VWF: variants seen among roughly 807,000 people sequenced by gnomAD.
VWF encodes the protein von Willebrand factor.
In VWF, 176 loss-of-function variants were observed where a neutral mutation model predicts 308.6. That is an observed-to-expected ratio of 0.57 (90% CI 0.50 to 0.65). The LOEUF (loss-of-function observed/expected upper bound fraction) is 0.65. Among genes scored for constraint, VWF ranks in the 30% least tolerant of loss-of-function variants. The pLI, the probability that VWF is intolerant of heterozygous loss-of-function variation, is 0.00. For synonymous variants in VWF, 1,385 were observed against 1,443.4 expected (o/e 0.96, Z 0.92); for missense variants, 3,146 against 3,648.2 (o/e 0.86, Z 3.55).
chr12:5,979,773 G>A (rs1943574519), intron 42 of VWF, among the ~76,000 whole-genome samples: 1 of 150,710 alleles, frequency 6.6e-6, no homozygotes, highest in Non-Finnish European at 1.5e-5. Context: ...CAGGCACGGT[G>A]GTTCATGCCA....
chr12:6,123,115 G>A, intron 2 of VWF, 27 bp downstream of exon 2: 4 of 1,614,130 alleles, frequency 2.5e-6, no homozygotes, highest in Non-Finnish European at 3.4e-6. Flanking sequence ...GGGCAGGAAT[G>A]AGAAATGGAG....
chr12:6,031,374 T>A (rs1944259607), intron 21 of VWF, 70 bp downstream of exon 21: 2 of 1,613,754 alleles, frequency 1.2e-6, no homozygotes, highest in East Asian at 4.5e-5. Flanking sequence ...AATGAATGCT[T>A]GGAAAATGTT....
chr12:6,090,451 AG>A (rs1306664989), intron 6 of VWF, among the ~76,000 whole-genome samples: 4 of 152,144 alleles, frequency 2.6e-5, no homozygotes, highest in African/African-American at 9.7e-5. Context: ...TATAGTTGCG[AG>A]GGGGAAGGAG....
At chr12:6,118,373 T>A (rs1364282192) in intron 3 of VWF, among the ~76,000 whole-genome samples, 1 of 135,586 alleles carries the variant, frequency 7.4e-6, no homozygotes, top group Non-Finnish European at 1.6e-5. Flanking sequence ...CTTCCTCTGG[T>A]CACTTTTTTT....
chr12:6,071,442 A>C (rs1271331130), intron 9 of VWF, 99 bp from the exon 10 acceptor site: 6 of 1,352,750 alleles, frequency 4.4e-6, no homozygotes, highest in Non-Finnish European at 6.3e-6. Context: ...TCCCCAAACG[A>C]AGGGATGTGG....
Position 5,949,796 on chromosome 12 carries a change from T to A in VWF, c.8243A>T (p.His2748Leu). The change falls in exon 51 of 52, where the codon CAC becomes CTC. Residue 2748 changes from histidine (H) to leucine (L), a missense_variant. By Grantham distance (99) the His-to-Leu change is moderately conservative. This residue lies in a region of VWF where 989 missense variants were observed against 1,117.4 expected (regional missense o/e 0.89). Transcript: ENST00000261405. ...AAGCAGAGCCCTTACCTGGCAGTAGTGGATATCCACCTCTACTTCAGACTT... is the reference window on the plus strand; with the variant it reads ...AAGCAGAGCCCTTACCTGGCAGTAGAGGATATCCACCTCTACTTCAGACTT... ...SCKSEVEVDIHYCQGKCASKA... is the reference protein window; with the variant it reads ...SCKSEVEVDILYCQGKCASKA... 6.2e-7 allele frequency: 1 copy of A among 1,614,168 alleles called. No homozygotes were observed. The highest frequency in any genetic ancestry group is 1.3e-5 in the African/African-American group (1 of 75,044).
intron 19 of VWF, 63 bp downstream of exon 19, chr12:6,036,325 G>A (rs1010489183): frequency 3.8e-5 from 57 of 1,483,976 alleles, no homozygotes; most frequent in Middle Eastern, 2.0e-4. Flanking sequence ...TCCTGTGGCC[G>A]CGTGCACCCT....
At chr12:6,034,962 G>A in intron 19 of VWF, 136 bp from the exon 20 acceptor site, 1 of 1,122,740 alleles carries the variant, frequency 8.9e-7, no homozygotes, top group Non-Finnish European at 1.3e-6. Context: ...GGAAGTTGAG[G>A]ACCTGTAGCG....
chr12:6,053,695 G>A (rs1944544999), intron 15 of VWF, among the ~76,000 whole-genome samples: 1 of 152,254 alleles, frequency 6.6e-6, no homozygotes, highest in African/African-American at 2.4e-5. Flanking sequence ...ATCTTGGGCA[G>A]TATCCTCACT....
intron 45 of VWF, 56 bp from the exon 46 acceptor site, chr12:5,968,223 G>C: frequency 9.3e-6 from 15 of 1,606,894 alleles, no homozygotes; most frequent in Non-Finnish European, 1.3e-5. Context: ...TGGTGAGACC[G>C]GCGAGCAGGC....
chr12:5,985,771 C>G lies in VWF; in HGVS notation c.6799-106G>C, dbSNP rs11063974. ...GCCTCCGGCAAGGGCCAGTCCCTGA[C>G]CCAGCCCTCTGACAGAGCCTCACAG... On this transcript the variant is annotated intron_variant, in intron 38 of 51. Coordinates refer to ENST00000261405, the MANE Select transcript of VWF (RefSeq NM_000552.5). 92,803 of 1,058,210 alleles carry G rather than the reference C, an allele frequency of 0.088. 4,835 individuals are homozygous for G. The highest frequency in any genetic ancestry group is 0.22 in the East Asian group (8,497 of 38,804). The allele number at this position is 1,058,210 out of a possible 1,614,324, so 65.6% of individuals were successfully genotyped here. A position where few individuals can be genotyped will look rare whatever the true frequency, so the allele number is the denominator to read the frequency against.
At chr12:6,010,616 C>T (rs1253302140) in intron 34 of VWF, among the ~76,000 whole-genome samples, 1 of 152,200 alleles carries the variant, frequency 6.6e-6, no homozygotes, top group Admixed American at 6.5e-5. Flanking sequence ...ACAGCCTAAA[C>T]GCACATCCAT....
At chr12:6,055,909 G>A (rs1384038958) in intron 15 of VWF, among the ~76,000 whole-genome samples, 1 of 151,252 alleles carries the variant, frequency 6.6e-6, no homozygotes, top group East Asian at 1.9e-4. Flanking sequence ...CAAGTAGCTG[G>A]GACTACACCT....
rs552845770 is a variant in VWF, at chr12:6,040,694, G to A, written c.2442+3597C>T. On this transcript the variant is annotated intron_variant, in intron 18 of 51. Transcript: ENST00000261405. Reference sequence around the variant, plus strand: ...CTCTGCCCTTCATTTATCACGGTGCGGACCACTTAGCAAAGGGACCCCCAT... The same window carrying A: ...CTCTGCCCTTCATTTATCACGGTGCAGACCACTTAGCAAAGGGACCCCCAT... 2.2e-4 allele frequency among the ~76,000 whole-genome samples: 34 copies of A among 152,230 alleles called. 1 individual carries two copies. In the South Asian group the frequency reaches 5.4e-3, roughly 24 times the overall value.
At chr12:6,090,800 G>C (rs1404639077) in intron 6 of VWF, among the ~76,000 whole-genome samples, 1 of 152,198 alleles carries the variant, frequency 6.6e-6, no homozygotes, top group Non-Finnish European at 1.5e-5. Flanking sequence ...GTCTTGCCCA[G>C]ATTCACAAAG....
At chr12:6,038,113 G>T (rs1043215775) in intron 18 of VWF, among the ~76,000 whole-genome samples, 1 of 152,138 alleles carries the variant, frequency 6.6e-6, no homozygotes, top group African/African-American at 2.4e-5. Context: ...TAAGCACCCA[G>T]TAGGGAAGAT....
At chr12:6,102,278 A>C (rs57379626) in intron 5 of VWF, among the ~76,000 whole-genome samples, 13,914 of 151,942 alleles carry the variant, frequency 0.092, 1,259 homozygotes, top group African/African-American at 0.24. Flanking sequence ...CCTGTCTCTA[A>C]TAAACATACA....
chr12:5,969,575 C>CA (rs1455117821), intron 44 of VWF, among the ~76,000 whole-genome samples, 184 bp from the exon 45 acceptor site: 2 of 152,220 alleles, frequency 1.3e-5, no homozygotes, highest in Non-Finnish European at 1.5e-5. Flanking sequence ...GAGCACCACT[C>CA]AAACAGTTTG....
At chr12:6,092,691 C>T (rs1458523453) in intron 6 of VWF, among the ~76,000 whole-genome samples, 1 of 144,014 alleles carries the variant, frequency 6.9e-6, no homozygotes, top group African/African-American at 2.6e-5. Flanking sequence ...GCATTCCTTC[C>T]TGGTAAGAGA....
Sources: allele counts gnomAD v4.1 joint callset (sites outside exome capture counted in the v4.1 genomes callset), GRCh38; gene constraint gnomAD v4.1.1; regional missense constraint gnomAD v4.1.1; transcripts MANE v1.5; gene names NCBI Gene and HGNC (gene_info 2026-07-23, HGNC 2026-07-21).